The following ADAM7 variants were observed in gnomAD, a reference collection of about 807,000 sequenced individuals.
The protein encoded by ADAM7 is ADAM metallopeptidase domain 7.
ADAM7 carries 97 observed loss-of-function variants against 102.9 expected under a neutral mutation model. That is an observed-to-expected ratio of 0.94 (90% CI 0.80 to 1.12). The LOEUF (loss-of-function observed/expected upper bound fraction) is 1.12. Among genes scored for constraint, ADAM7 ranks in the 50% most tolerant of loss-of-function variants. ADAM7 has a pLI of 0.00. For synonymous variants in ADAM7, 334 were observed against 304.4 expected, an observed-to-expected ratio of 1.10 and a Z score of -1.01; for missense variants, 991 against 908.7, an observed-to-expected ratio of 1.09 and a Z score of -1.16.
rs952016109 is a variant in ADAM7, at chr8:24,492,480, C to CA, written c.1553-14dup. 6.4e-7 allele frequency: 1 copy of CA among 1,551,320 alleles called. No individual in the cohort carries two copies. The highest frequency in any genetic ancestry group is 1.4e-5 in the African/African-American group (1 of 71,842). ...ATGCTTTATTGTTTTACTTTTATAC[C>CA]ATTTTTTACCCCAGAGGCAATAGAG... On this transcript the variant is annotated splice_polypyrimidine_tract_variant and intron_variant, in intron 14 of 21. Coordinates refer to ENST00000175238, the MANE Select transcript of ADAM7 (RefSeq NM_003817.4).
At chr8:24,490,627 T>G in intron 12 of ADAM7, 172 bp from the exon 13 acceptor site, 1 of 606,760 alleles carries the variant, frequency 1.6e-6, no homozygotes, top group Non-Finnish European at 2.9e-6. Flanking sequence ...GAGAAATAGT[T>G]AAAGTCCCAA....
intron 16 of ADAM7, among the ~76,000 whole-genome samples, chr8:24,494,563 G>C (rs781180159): frequency 1.3e-5 from 2 of 152,140 alleles, no homozygotes; most frequent in East Asian, 1.9e-4. Flanking sequence ...CTGTGACCAC[G>C]TACTCCGCAT....
chr8:24,491,192 T>C (rs185625222), intron 13 of ADAM7, among the ~76,000 whole-genome samples: 167 of 152,240 alleles, frequency 1.1e-3, no homozygotes, highest in African/African-American at 3.8e-3. Context: ...AGGAGGATAG[T>C]TGAAATCCCA....
rs1413623290 is a variant in ADAM7 at position 24,454,299 on chromosome 8, G to C, written c.233+7037G>C. 5.9e-5 allele frequency among the ~76,000 whole-genome samples: 9 copies of C among 152,338 alleles called. No individual in the cohort carries two copies. The East Asian group carries it at 1.7e-3, about 29-fold the overall frequency. Reference sequence around the variant, plus strand: ...GGCCGGTCTCCTTGAGCTGTGGTGGGCTCCACCCAGTTCGAGCTTCCTGGC... The same window carrying C: ...GGCCGGTCTCCTTGAGCTGTGGTGGCCTCCACCCAGTTCGAGCTTCCTGGC... On this transcript the variant is annotated intron_variant, in intron 3 of 21. Transcript: ENST00000175238.
At chr8:24,501,441 T>G (rs1441055172) in intron 19 of ADAM7, 36 bp from the exon 20 acceptor site, 1 of 1,471,544 alleles carries the variant, frequency 6.8e-7, no homozygotes, top group Admixed American at 1.9e-5. Context: ...TAGCCCTATA[T>G]CTAATAAATT....
At chr8:24,499,208 A>C in intron 16 of ADAM7, 28 bp from the exon 17 acceptor site, 1 of 1,517,648 alleles carries the variant, frequency 6.6e-7, no homozygotes, top group Non-Finnish European at 8.9e-7. Flanking sequence ...AAGTCATTTT[A>C]ATTCATGCTT....
At chr8:24,466,646 A>T (rs571459195) in intron 5 of ADAM7, among the ~76,000 whole-genome samples, 153 bp from the exon 6 acceptor site, 1 of 152,206 alleles carries the variant, frequency 6.6e-6, no homozygotes, top group Non-Finnish European at 1.5e-5. Flanking sequence ...CAAAGGCCTC[A>T]TATCATCACA....
rs778588309 is a variant in ADAM7, at chr8:24,487,252, G to T, written c.1026G>T (p.Gly342=). Residue 342 remains glycine (G), a synonymous_variant, in exon 11 of 22, where the codon GGG becomes GGT. Coordinates refer to ENST00000175238, the MANE Select transcript of ADAM7 (RefSeq NM_003817.4). Reference sequence around the variant, plus strand: ...CACATCAACTGGGGCATAACCTTGGGATGCAGCATGACGAGTTCCCATGCA... The same window carrying T: ...CACATCAACTGGGGCATAACCTTGGTATGCAGCATGACGAGTTCCCATGCA... ...RMAHQLGHNL[G]MQHDEFPCTC... is the part of the protein sequence containing the mutation. 2.5e-6 allele frequency: 4 copies of T among 1,613,782 alleles called. No individual in the cohort carries two copies. Among genetic ancestry groups the T allele is most frequent in the Non-Finnish European group, 2.5e-6 (3 of 1,179,886 alleles).
rs556534946 is a variant in ADAM7 at position 24,450,549 on chromosome 8, G to A, written c.233+3287G>A. Among the ~76,000 whole-genome samples, 874 of 152,080 alleles carry A rather than the reference G, an allele frequency of 5.7e-3. 9 individuals are homozygous for A. The highest frequency in any genetic ancestry group is 0.02 in the African/African-American group (849 of 41,438). ...TGCTTATCAGCTTAAGGAGATTTTGGGCTGAGACAATGGGGTTTTCTAGAT... is the reference window on the plus strand; with the variant it reads ...TGCTTATCAGCTTAAGGAGATTTTGAGCTGAGACAATGGGGTTTTCTAGAT... On this transcript the variant is annotated intron_variant, in intron 3 of 21. Coordinates refer to ENST00000175238, the MANE Select transcript of ADAM7 (RefSeq NM_003817.4).
At chr8:24,489,039 C>T in intron 11 of ADAM7, 120 bp from the exon 12 acceptor site, 1 of 891,450 alleles carries the variant, frequency 1.1e-6, no homozygotes, top group East Asian at 2.9e-5. Flanking sequence ...AGTTACTTCC[C>T]TGCTCTAACA....
At chr8:24,503,451 T>G (rs1820831666) in intron 20 of ADAM7, among the ~76,000 whole-genome samples, 1 of 152,188 alleles carries the variant, frequency 6.6e-6, no homozygotes, top group Non-Finnish European at 1.5e-5. Context: ...GTTCAACCAT[T>G]GTGGAAGACA....
chr8:24,469,754 A>C (rs1473857883), intron 7 of ADAM7, among the ~76,000 whole-genome samples: 1 of 152,174 alleles, frequency 6.6e-6, no homozygotes, highest in African/African-American at 2.4e-5. Flanking sequence ...ACTAGAAAAG[A>C]CTGGACAAAA....
intron 13 of ADAM7, 96 bp from the exon 14 acceptor site, chr8:24,491,807 C>T: frequency 1.9e-6 from 2 of 1,046,436 alleles, no homozygotes; most frequent in South Asian, 1.9e-5. Context: ...ATCCTTAAAA[C>T]CTTTTTTGGA....
At chr8:24,454,788 T>A (rs902507668) in intron 3 of ADAM7, among the ~76,000 whole-genome samples, 3 of 152,084 alleles carry the variant, frequency 2.0e-5, no homozygotes, top group African/African-American at 2.4e-5. Context: ...TTCCTATTCG[T>A]CCATCTTGGC....
At position 24,486,251 on chromosome 8, in the gene ADAM7, C is replaced by T. The variant is rs115493510; in HGVS notation, c.960+890C>T. The stretch of plus-strand genomic sequence containing the variant: ...ATTAGCTTTATAGTAATCTGATAGC[C>T]CACCTCTTTTTGGAAATTAATTCTG... On this transcript the variant is annotated intron_variant, in intron 10 of 21. Transcript: ENST00000175238. Among the ~76,000 whole-genome samples the T allele has an allele frequency of 3.3e-3, 497 of 152,114 alleles. 3 individuals are homozygous for T. The highest frequency in any genetic ancestry group is 0.01 in the African/African-American group (427 of 41,498).
intron 13 of ADAM7, among the ~76,000 whole-genome samples, 172 bp downstream of exon 13, chr8:24,491,060 G>C (rs1323737644): frequency 6.6e-6 from 1 of 152,166 alleles, no homozygotes; most frequent in African/African-American, 2.4e-5. Context: ...GCATTGGGCT[G>C]TGCTATGGCC....
Position 24,490,802 on chromosome 8 carries a change from T to A in ADAM7, c.1270T>A (p.Cys424Ser), listed in dbSNP as rs1820319544. The A allele has an allele frequency of 1.2e-6, 2 of 1,612,796 alleles. No individual in the cohort carries two copies. Among genetic ancestry groups the A allele is most frequent in the Non-Finnish European group, 1.7e-6 (2 of 1,179,450 alleles). The change falls in exon 13 of 22, where the codon TGT becomes AGT. Residue 424 changes from cysteine (C) to serine (S), a missense_variant. Coordinates refer to ENST00000175238, the MANE Select transcript of ADAM7 (RefSeq NM_003817.4). ...EECDCGPAQE[C>S]TNPCCDAHTC... ...TCTCTTTTGTGGTTATTGCCAGGAG[T>A]GTACTAATCCTTGCTGTGATGCACA...
At chr8:24,479,551 A>G (rs1819880284) in intron 8 of ADAM7, among the ~76,000 whole-genome samples, 1 of 152,004 alleles carries the variant, frequency 6.6e-6, no homozygotes, top group Admixed American at 6.6e-5. Flanking sequence ...GGCCCACTCC[A>G]CTGAGGGAGC....
intron 17 of ADAM7, 25 bp from the exon 18 acceptor site, chr8:24,500,153 A>G: frequency 6.3e-7 from 1 of 1,590,938 alleles, no homozygotes; most frequent in Non-Finnish European, 8.6e-7. Flanking sequence ...GTCATTTGAG[A>G]ATATATCATT....
Sources: allele counts gnomAD v4.1 joint callset (sites outside exome capture counted in the v4.1 genomes callset), GRCh38; gene constraint gnomAD v4.1.1; transcripts MANE v1.5; gene names NCBI Gene and HGNC (gene_info 2026-07-23, HGNC 2026-07-21).